FRMPD4: variants seen among roughly 807,000 people sequenced by gnomAD.
The protein encoded by FRMPD4 is FERM and PDZ domain containing 4, also known as FERM and PDZ domain-containing protein 4.
Under a neutral mutation model 94.1 loss-of-function variants are expected in FRMPD4, and 22 were observed. The observed-to-expected ratio is 0.23, with a 90% CI of 0.17 to 0.33. The LOEUF is 0.33. Ranked by LOEUF, FRMPD4 falls within the 10% of genes least tolerant of loss-of-function variation. The pLI is 1.00. For synonymous variants in FRMPD4, 631 were observed against 548.6 expected, an observed-to-expected ratio of 1.15 and a Z score of -2.10; for missense variants, 1,111 against 1,339.9, an observed-to-expected ratio of 0.83 and a Z score of 2.67.
rs188116104 is a variant in FRMPD4 at position 11,973,251 on chromosome X, T to A, written c.95+95233T>A. ...AGCTATGAATAAAGAAATCATTTTT[T>A]ATGTTTGAAAACACTTGATTTTGCT... On this transcript the variant is annotated intron_variant, in intron 3 of 18. Transcript: ENST00000640291. 5.3e-5 allele frequency among the ~76,000 whole-genome samples: 6 copies of A among 112,814 alleles called. No homozygotes were observed. The Admixed American group carries it at 5.6e-4, about 11-fold the overall frequency.
intron 3 of FRMPD4, among the ~76,000 whole-genome samples, chrX:11,994,689 T>C (rs954919162): frequency 8.9e-6 from 1 of 111,957 alleles, no homozygotes; most frequent in Non-Finnish European, 1.9e-5. Flanking sequence ...CAGGTGTGTA[T>C]GTGTATGCAT....
intron 4 of FRMPD4, among the ~76,000 whole-genome samples, chrX:12,651,086 A>G (rs1300469919): frequency 2.7e-5 from 3 of 112,639 alleles, no homozygotes; most frequent in Middle Eastern, 4.6e-3. Context: ...AATGATACCA[A>G]AAAGTATGCC....
intron 1 of FRMPD4, among the ~76,000 whole-genome samples, chrX:12,472,066 A>C (rs2148175183): frequency 8.9e-6 from 1 of 112,677 alleles, no homozygotes; most frequent in Non-Finnish European, 1.9e-5. Flanking sequence ...CACAAAACAG[A>C]GACAAGAAAT....
chrX:12,569,955 G>C (rs1027165721), intron 2 of FRMPD4, among the ~76,000 whole-genome samples: 1 of 112,234 alleles, frequency 8.9e-6, no homozygotes, highest in Non-Finnish European at 1.9e-5. Context: ...AAATCAGAAG[G>C]TGTCTTAAAA....
chrX:12,324,111 C>A (rs1490680522), intron 1 of FRMPD4, among the ~76,000 whole-genome samples: 1 of 112,138 alleles, frequency 8.9e-6, no homozygotes, highest in Admixed American at 9.4e-5. Context: ...ATCTTCTTTA[C>A]TCCATCGCAG....
At chrX:11,853,760 C>A (rs1038219621) in intron 1 of FRMPD4, among the ~76,000 whole-genome samples, 2 of 111,612 alleles carry the variant, frequency 1.8e-5, no homozygotes, top group Admixed American at 9.5e-5. Flanking sequence ...AAAAAAAGCC[C>A]AGGACCAGAC....
intron 1 of FRMPD4, among the ~76,000 whole-genome samples, chrX:12,160,813 C>G (rs1022352310): frequency 2.0e-4 from 22 of 111,080 alleles, no homozygotes; most frequent in African/African-American, 7.2e-4. Flanking sequence ...CAATGATGTT[C>G]AGGGCTTAGA....
At chrX:12,617,122 A>T (rs1008852779) in intron 4 of FRMPD4, among the ~76,000 whole-genome samples, 3 of 112,473 alleles carry the variant, frequency 2.7e-5, no homozygotes, top group African/African-American at 9.7e-5. Context: ...AACTTTACAT[A>T]TAACAAAATG....
intron 1 of FRMPD4, among the ~76,000 whole-genome samples, chrX:12,391,405 TC>T: frequency 8.9e-6 from 1 of 112,381 alleles, no homozygotes; most frequent in Middle Eastern, 4.6e-3. Context: ...TCATCGGCTT[TC>T]AGTGATGACT....
At chrX:12,496,524 C>T (rs1054851982) in intron 1 of FRMPD4, among the ~76,000 whole-genome samples, 15 of 112,167 alleles carry the variant, frequency 1.3e-4, no homozygotes, top group African/African-American at 4.5e-4. Flanking sequence ...TCATACTGGC[C>T]GTTGTCAGGG....
chrX:12,391,890 A>G (rs181725982), intron 1 of FRMPD4, among the ~76,000 whole-genome samples: 1 of 111,163 alleles, frequency 9.0e-6, no homozygotes, highest in Admixed American at 9.5e-5. Flanking sequence ...GAATGTCTCA[A>G]GTAAGGTCTT....
At chrX:12,133,473 G>A (rs1397390890), upstream of FRMPD4, among the ~76,000 whole-genome samples, 1 of 110,369 alleles carries the variant, frequency 9.1e-6, no homozygotes, top group Non-Finnish European at 1.9e-5. Context: ...TCCCCAGGCT[G>A]GAGTGCAGTA....
chrX:12,067,263 C>A (rs1268028321), intron 3 of FRMPD4, among the ~76,000 whole-genome samples: 2 of 110,820 alleles, frequency 1.8e-5, no homozygotes, highest in Non-Finnish European at 3.8e-5. Flanking sequence ...AGATAGCCAC[C>A]GCACCTTTGA....
Position 12,193,838 on chromosome X carries a change from GAAA to G in FRMPD4, c.41+54827_41+54829del, listed in dbSNP as rs1270722044. On this transcript the variant is annotated intron_variant, in intron 1 of 16. Coordinates refer to ENST00000675598, the MANE Select transcript of FRMPD4 (RefSeq NM_001368397.1). Reference sequence around the variant, plus strand: ...AGGAAGGAAGGAAGGAGGGAAGGAAGAAAGAAAAGAAAGAAAAAGGAAGGAAGG... The same window carrying G: ...AGGAAGGAAGGAAGGAGGGAAGGAAGGAAAAGAAAGAAAAAGGAAGGAAGG... Among the ~76,000 whole-genome samples the G allele has an allele frequency of 3.0e-4, 18 of 59,959 alleles. 2 individuals carry two copies. Among genetic ancestry groups the G allele is most frequent in the Admixed American group, 1.2e-3 (5 of 4,131 alleles). 52.1% of individuals were successfully genotyped at this position (59,959 alleles called of 115,157 possible).
chrX:12,271,818 T>C (rs5933978), intron 1 of FRMPD4, among the ~76,000 whole-genome samples: 17,654 of 111,562 alleles, frequency 0.16, 1,266 homozygotes, highest in Non-Finnish European at 0.22. Context: ...TTTGTGAGCA[T>C]CAGACTCCCC....
At chrX:11,910,872 A>T (rs2147336788) in intron 3 of FRMPD4, among the ~76,000 whole-genome samples, 1 of 110,833 alleles carries the variant, frequency 9.0e-6, no homozygotes, top group Admixed American at 9.6e-5. Flanking sequence ...AAAAATCACC[A>T]TTTTTATTAT....
intron 1 of FRMPD4, among the ~76,000 whole-genome samples, chrX:11,832,423 C>T (rs756479883): frequency 5.4e-5 from 6 of 111,594 alleles, no homozygotes; most frequent in Admixed American, 9.5e-5. Flanking sequence ...CCAGCACAGA[C>T]GAGATGACCT....
intron 5 of FRMPD4, 59 bp from the exon 6 acceptor site, chrX:12,683,424 T>C (rs1275327264): frequency 3.4e-6 from 2 of 595,917 alleles, no homozygotes; most frequent in Non-Finnish European, 5.5e-6. Context: ...GGAAAACAAC[T>C]GTTACAAGGT....
chrX:11,875,968 C>T (rs1030534039), intron 2 of FRMPD4, among the ~76,000 whole-genome samples: 2 of 106,227 alleles, frequency 1.9e-5, no homozygotes, highest in Non-Finnish European at 1.9e-5. Flanking sequence ...CTCCGCCTCC[C>T]GGGTTCGCGC....
Sources: allele counts gnomAD v4.1 joint callset (sites outside exome capture counted in the v4.1 genomes callset), GRCh38; gene constraint gnomAD v4.1.1; transcripts MANE v1.5; gene names NCBI Gene and HGNC (gene_info 2026-07-23, HGNC 2026-07-21).